ADAMTSL1: variants seen among roughly 807,000 people sequenced by gnomAD.
ADAMTSL1 encodes ADAMTS-like protein 1.
A neutral mutation model predicts 201.8 loss-of-function variants in ADAMTSL1; 126 were observed. The observed-to-expected ratio is 0.62, with a 90% CI of 0.54 to 0.72. The LOEUF is 0.72. ADAMTSL1 is among the 30% of genes least tolerant of loss of function. The pLI is 0.00. For missense variants in ADAMTSL1, 2,679 were observed against 2,277.8 expected, an observed-to-expected ratio of 1.18 and a Z score of -3.59; for synonymous variants, 1,121 against 903.4, an observed-to-expected ratio of 1.24 and a Z score of -4.32.
chr9:18,715,575 G>A (rs979561775), intron 14 of ADAMTSL1, among the ~76,000 whole-genome samples: 1 of 151,744 alleles, frequency 6.6e-6, no homozygotes, highest in Admixed American at 6.6e-5. Context: ...CACTACTCAA[G>A]GAAATAAAAG....
At chr9:18,191,616 ACTT>A (rs777069195) in intron 2 of ADAMTSL1, among the ~76,000 whole-genome samples, 8 of 152,276 alleles carry the variant, frequency 5.3e-5, no homozygotes, top group Non-Finnish European at 1.0e-4. Flanking sequence ...TGGCAAGAAG[ACTT>A]CTTCCCTGAA....
intron 2 of ADAMTSL1, among the ~76,000 whole-genome samples, chr9:18,336,802 A>G (rs1297238485): frequency 1.3e-5 from 2 of 152,144 alleles, no homozygotes; most frequent in Non-Finnish European, 2.9e-5. Context: ...TTGTCTATTT[A>G]TAAATAAAGA....
intron 20 of ADAMTSL1, among the ~76,000 whole-genome samples, chr9:18,808,568 TA>T (rs1232364695): frequency 6.6e-6 from 1 of 152,214 alleles, no homozygotes; most frequent in Admixed American, 6.5e-5. Flanking sequence ...CTTGCAGCTA[TA>T]AAAAACCACC....
chr9:18,296,378 T>C (rs898225929), intron 2 of ADAMTSL1, among the ~76,000 whole-genome samples: 2 of 152,188 alleles, frequency 1.3e-5, no homozygotes, highest in East Asian at 3.8e-4. Flanking sequence ...TTGGATATTA[T>C]ATTAGGGAAT....
intron 1 of ADAMTSL1, among the ~76,000 whole-genome samples, chr9:18,080,932 CAT>C (rs1173260158): frequency 2.0e-5 from 3 of 152,166 alleles, no homozygotes; most frequent in African/African-American, 7.2e-5. Flanking sequence ...GTAATTCTAA[CAT>C]ATTTATTAAT....
intron 2 of ADAMTSL1, among the ~76,000 whole-genome samples, chr9:18,315,124 A>G (rs1228510008): frequency 1.3e-5 from 2 of 151,948 alleles, no homozygotes; most frequent in African/African-American, 4.8e-5. Context: ...TTTTACAGAG[A>G]GCTGATTGGT....
chr9:18,152,926 C>T (rs1393076075), intron 1 of ADAMTSL1, among the ~76,000 whole-genome samples: 1 of 152,030 alleles, frequency 6.6e-6, no homozygotes, highest in Non-Finnish European at 1.5e-5. Context: ...AAATGCTTTC[C>T]AGATAACAAT....
chr9:18,327,380 T>C (rs1038688782), intron 2 of ADAMTSL1, among the ~76,000 whole-genome samples: 5 of 152,256 alleles, frequency 3.3e-5, no homozygotes, highest in African/African-American at 1.2e-4. Flanking sequence ...TCAGGCCCTA[T>C]GGGCATACTT....
At chr9:18,415,836 T>A (rs1818650521) in intron 2 of ADAMTSL1, among the ~76,000 whole-genome samples, 2 of 151,990 alleles carry the variant, frequency 1.3e-5, no homozygotes, top group African/African-American at 2.4e-5. Flanking sequence ...GAAGCAAAGT[T>A]AAATATGACA....
chr9:18,531,199 A>G (rs1819421696), intron 2 of ADAMTSL1, among the ~76,000 whole-genome samples: 1 of 152,212 alleles, frequency 6.6e-6, no homozygotes, highest in Admixed American at 6.5e-5. Flanking sequence ...CATGGACCAG[A>G]GTACTCATGT....
At chr9:18,403,817 C>A (rs914103549) in intron 2 of ADAMTSL1, among the ~76,000 whole-genome samples, 11 of 152,022 alleles carry the variant, frequency 7.2e-5, no homozygotes, top group African/African-American at 2.7e-4. Flanking sequence ...AGTTTAATAA[C>A]ATTTATTATG....
intron 2 of ADAMTSL1, among the ~76,000 whole-genome samples, chr9:18,322,282 G>GA (rs1258879899): frequency 2.0e-5 from 3 of 152,012 alleles, no homozygotes; most frequent in Non-Finnish European, 4.4e-5. Context: ...CAATTATATA[G>GA]AAAAAAATTA....
intron 19 of ADAMTSL1, among the ~76,000 whole-genome samples, chr9:18,792,449 A>G (rs946121885): frequency 2.6e-5 from 4 of 152,224 alleles, no homozygotes; most frequent in Non-Finnish European, 5.9e-5. Flanking sequence ...TCCTGCTGCG[A>G]GTGTCCAAGA....
intron 2 of ADAMTSL1, among the ~76,000 whole-genome samples, chr9:18,209,574 A>G (rs916923021): frequency 9.2e-5 from 14 of 152,194 alleles, no homozygotes; most frequent in Non-Finnish European, 1.8e-4. Context: ...CTTGACTCTA[A>G]GTAAACCACC....
In ADAMTSL1 at chr9:18,829,981, A is replaced by C. The variant is rs768435548; in HGVS notation, c.4249+4A>C. The C allele has an allele frequency of 3.7e-6, 6 of 1,606,258 alleles. No homozygotes were observed. In the South Asian group the frequency reaches 6.7e-5, roughly 18 times the overall value. ...CCTGGGAATTCTGCTCTCCTTGGTG[A>C]GTCTAACCCTCGGAAACATTGGGCA... is the stretch of plus-strand genomic sequence containing the variant. On this transcript the variant is annotated splice_donor_region_variant and intron_variant, in intron 23 of 28. Transcript: ENST00000380548.
At chr9:17,991,533 T>G (rs1422890726) in intron 1 of ADAMTSL1, among the ~76,000 whole-genome samples, 1 of 152,078 alleles carries the variant, frequency 6.6e-6, no homozygotes, top group Non-Finnish European at 1.5e-5. Context: ...AAAGGCTTTG[T>G]CTTCTAAGGG....
At chr9:18,605,029 T>C (rs1824922580) in intron 4 of ADAMTSL1, among the ~76,000 whole-genome samples, 2 of 152,176 alleles carry the variant, frequency 1.3e-5, no homozygotes, top group Admixed American at 6.5e-5. Flanking sequence ...GTGGAGATCA[T>C]GATACTAAAA....
At position 18,548,767 on chromosome 9, in the gene ADAMTSL1, T is replaced by G. The variant is rs1036659431; in HGVS notation, c.237+15475T>G. On this transcript the variant is annotated intron_variant, in intron 3 of 28. Transcript: ENST00000380548. ...AATAACAGTGCTTAAAAATAAAGAA[T>G]AAATTAGGGAGTAAAGACAGAAATA... 1.7e-3 allele frequency among the ~76,000 whole-genome samples: 263 copies of G among 151,852 alleles called. 1 individual carries two copies. Among genetic ancestry groups the G allele is most frequent in the African/African-American group, 6.1e-3 (251 of 41,446 alleles).
At chr9:17,963,461 A>G (rs2131404848) in intron 1 of ADAMTSL1, among the ~76,000 whole-genome samples, 1 of 152,314 alleles carries the variant, frequency 6.6e-6, no homozygotes, top group South Asian at 2.1e-4. Flanking sequence ...TGTTAAAGTA[A>G]TAAAATTTGG....
Sources: allele counts gnomAD v4.1 joint callset (sites outside exome capture counted in the v4.1 genomes callset), GRCh38; gene constraint gnomAD v4.1.1; transcripts MANE v1.5; gene names NCBI Gene and HGNC (gene_info 2026-07-23, HGNC 2026-07-21).